NEGR1: variants seen among roughly 807,000 people sequenced by gnomAD.
NEGR1 encodes neuronal growth regulator 1.
Under a neutral mutation model 40.9 loss-of-function variants are expected in NEGR1, and 10 were observed. The ratio of observed to expected loss-of-function variants is 0.24; its 90% CI spans 0.15 to 0.42. NEGR1 has a LOEUF of 0.42. Among genes scored for constraint, NEGR1 ranks in the 10% least tolerant of loss-of-function variants. The pLI is 1.00. For missense variants in NEGR1, 352 were observed against 438.9 expected (o/e 0.80, Z 1.77); for synonymous variants, 185 against 166.8 (o/e 1.11, Z -0.84).
intron 1 of NEGR1, among the ~76,000 whole-genome samples, chr1:72,185,635 G>A (rs998932836): frequency 6.6e-6 from 1 of 151,824 alleles, no homozygotes; most frequent in Non-Finnish European, 1.5e-5. Flanking sequence ...ACTACTTGAG[G>A]TCACCAACAT....
At chr1:72,260,483 C>T (rs1020123939) in intron 1 of NEGR1, among the ~76,000 whole-genome samples, 24 of 152,128 alleles carry the variant, frequency 1.6e-4, no homozygotes, top group Non-Finnish European at 1.2e-4. Context: ...AAAAATAAGT[C>T]CTCAAACCAT....
At chr1:72,197,627 G>A (rs141302350) in intron 1 of NEGR1, among the ~76,000 whole-genome samples, 2 of 152,032 alleles carry the variant, frequency 1.3e-5, no homozygotes, top group East Asian at 3.9e-4. Context: ...TCCAATGCTT[G>A]ACAATATATA....
intron 3 of NEGR1, among the ~76,000 whole-genome samples, chr1:71,716,540 A>G (rs1233862466): frequency 6.6e-6 from 1 of 152,130 alleles, no homozygotes; most frequent in Non-Finnish European, 1.5e-5. Flanking sequence ...ATTATGAAAC[A>G]TTGTTCAGTG....
At chr1:72,181,274 C>T (rs1018267340) in intron 1 of NEGR1, among the ~76,000 whole-genome samples, 6 of 152,100 alleles carry the variant, frequency 3.9e-5, no homozygotes, top group African/African-American at 1.4e-4. Context: ...CCCTGAAGCA[C>T]AAGATAAGGT....
In NEGR1 at chr1:71,876,169, A is replaced by C. The variant is rs115765885; in HGVS notation, c.409+58910T>G. ...ACTCTAAAAAACACATAGTTCTTGT[A>C]TATATTATAGAATATTTTTCTTCGG... On this transcript the variant is annotated intron_variant, in intron 2 of 6. Coordinates refer to ENST00000357731, the MANE Select transcript of NEGR1 (RefSeq NM_173808.3). Among the ~76,000 whole-genome samples, 805 of 152,228 alleles carry C rather than the reference A, an allele frequency of 5.3e-3. 7 individuals are homozygous for C. Among genetic ancestry groups the C allele is most frequent in the African/African-American group, 0.019 (773 of 41,536 alleles).
chr1:71,942,424 A>T (rs1312306202), intron 1 of NEGR1, among the ~76,000 whole-genome samples: 1 of 122,064 alleles, frequency 8.2e-6, no homozygotes, highest in African/African-American at 3.0e-5. Context: ...GTTTAGTTTT[A>T]CTTTAATGCA....
rs148245967 is a variant in NEGR1 at position 72,188,941 on chromosome 1, A to G, written c.176+93378T>C. Among the ~76,000 whole-genome samples the G allele has an allele frequency of 7.7e-4, 117 of 151,656 alleles. 2 individuals carry two copies. In the East Asian group the frequency reaches 0.021, roughly 27 times the overall value. On this transcript the variant is annotated intron_variant, in intron 1 of 6. Coordinates refer to ENST00000357731, the MANE Select transcript of NEGR1 (RefSeq NM_173808.3). ...TCTTAACCTTTACTCTTTCTTCAAT[A>G]TCTATTCTTATATCCATAAATATAT...
chr1:71,410,337 T>A (rs968093086), intron 6 of NEGR1, among the ~76,000 whole-genome samples: 6 of 152,094 alleles, frequency 3.9e-5, no homozygotes, highest in African/African-American at 1.2e-4. Context: ...AATGTCAAGT[T>A]ACATGTCACC....
intron 1 of NEGR1, among the ~76,000 whole-genome samples, chr1:72,038,902 T>C (rs1646927984): frequency 1.3e-5 from 2 of 151,938 alleles, no homozygotes. Context: ...AACCCTCACA[T>C]CTAACAATGA....
At chr1:71,649,051 C>G (rs1651622739) in intron 4 of NEGR1, among the ~76,000 whole-genome samples, 2 of 151,948 alleles carry the variant, frequency 1.3e-5, no homozygotes, top group Non-Finnish European at 2.9e-5. Context: ...TTTTACCATT[C>G]TCTGTAGTTA....
intron 1 of NEGR1, among the ~76,000 whole-genome samples, chr1:72,049,659 T>C (rs1014766800): frequency 2.6e-5 from 4 of 151,372 alleles, no homozygotes; most frequent in African/African-American, 9.7e-5. Context: ...TCAACGCATA[T>C]AACCTTAAGC....
chr1:72,013,973 A>AT (rs1196811241), intron 1 of NEGR1, among the ~76,000 whole-genome samples: 14 of 137,876 alleles, frequency 1.0e-4, no homozygotes, highest in Middle Eastern at 3.5e-3. Context: ...TAAAAAAAAA[A>AT]AAAAAAAAAA....
At chr1:71,549,562 T>G (rs1648008782) in intron 6 of NEGR1, among the ~76,000 whole-genome samples, 1 of 151,632 alleles carries the variant, frequency 6.6e-6, no homozygotes, top group Admixed American at 6.6e-5. Flanking sequence ...AAAAACATAT[T>G]TATTTTATAG....
intron 1 of NEGR1, among the ~76,000 whole-genome samples, chr1:72,015,636 C>T (rs1005521082): frequency 6.6e-6 from 1 of 152,126 alleles, no homozygotes; most frequent in Non-Finnish European, 1.5e-5. Context: ...CACTACTGAA[C>T]TCCAGCATGG....
intron 2 of NEGR1, among the ~76,000 whole-genome samples, chr1:71,862,855 C>T (rs189983687): frequency 3.9e-4 from 59 of 152,190 alleles, no homozygotes; most frequent in African/African-American, 1.3e-3. Flanking sequence ...AGAAGGTCAA[C>T]GTCACTGATC....
intron 1 of NEGR1, among the ~76,000 whole-genome samples, chr1:72,236,535 T>C (rs1275806932): frequency 6.6e-6 from 1 of 152,028 alleles, no homozygotes; most frequent in Non-Finnish European, 1.5e-5. Flanking sequence ...TCATTGGAAA[T>C]AAACAATAGT....
chr1:71,904,171 T>G (rs1661215891), intron 2 of NEGR1, among the ~76,000 whole-genome samples: 3 of 151,994 alleles, frequency 2.0e-5, no homozygotes, highest in Non-Finnish European at 2.9e-5. Context: ...AGCAACTGTA[T>G]GTATCACCAA....
At chr1:72,210,168 T>A (rs965929825) in intron 1 of NEGR1, among the ~76,000 whole-genome samples, 8 of 151,878 alleles carry the variant, frequency 5.3e-5, no homozygotes, top group African/African-American at 1.9e-4. Context: ...ATAAAAACTA[T>A]TTTCATAAAT....
At chr1:71,873,043 T>C (rs1019899075) in intron 2 of NEGR1, among the ~76,000 whole-genome samples, 3 of 149,164 alleles carry the variant, frequency 2.0e-5, no homozygotes, top group Non-Finnish European at 4.4e-5. Flanking sequence ...TATTTCTTGC[T>C]CTACCACTCA....
Sources: gnomAD v4.1 joint callset for allele counts (sites outside exome capture counted in the v4.1 genomes callset) on GRCh38, gnomAD v4.1.1 for gene constraint, MANE v1.5 for transcripts, NCBI Gene and HGNC (gene_info 2026-07-23, HGNC 2026-07-21) for gene names.